JMJD1C: variants seen among roughly 807,000 people sequenced by gnomAD.
JMJD1C encodes the protein jumonji domain-containing protein 1C.
In JMJD1C, 31 loss-of-function variants were observed where a neutral mutation model predicts 245.3. The observed-to-expected ratio is 0.13, with a 90% confidence interval of 0.09 to 0.17. JMJD1C has a LOEUF of 0.17. Ranked by LOEUF, JMJD1C falls within the 10% of genes least tolerant of loss-of-function variation. The probability of loss-of-function intolerance (pLI) is 1.00; values close to 1 mark genes in which losing one functional copy is unlikely to be tolerated. For synonymous variants in JMJD1C, 1,057 were observed against 1,017.4 expected (o/e 1.04, Z -0.74); for missense variants, 2,691 against 3,000.2 (o/e 0.90, Z 2.41).
chr10:63,204,655 CTG>C, intron 10 of JMJD1C: 1 of 985,410 alleles, frequency 1.0e-6, no homozygotes, highest in Non-Finnish European at 1.2e-6. Flanking sequence ...AAAAGCAACA[CTG>C]TATATAATCC....
In JMJD1C at chr10:63,465,754, G is replaced by T; in HGVS notation, c.-92C>A. 1 of 1,452,182 alleles carries T rather than the reference G, an allele frequency of 6.9e-7. No homozygotes were observed. The highest frequency in any genetic ancestry group is 9.5e-7 in the Non-Finnish European group (1 of 1,055,942). 90.0% of individuals were successfully genotyped at this position (1,452,182 alleles called of 1,614,324 possible). ...CCGGCCGCTCATGCTGAGGAGAGCG[G>T]ACCGGGACACAGCAGCGGACCCGAA... On this transcript the variant is annotated 5_prime_UTR_variant, in exon 1 of 26. Transcript: ENST00000399262.
intron 1 of JMJD1C, among the ~76,000 whole-genome samples, chr10:63,410,533 G>C (rs1949419365): frequency 6.6e-6 from 1 of 152,084 alleles, no homozygotes; most frequent in Non-Finnish European, 1.5e-5. Flanking sequence ...CCTTCCATAA[G>C]AATCCAGAGA....
intron 2 of JMJD1C, among the ~76,000 whole-genome samples, chr10:63,300,917 G>A (rs999392576): frequency 6.6e-6 from 1 of 151,368 alleles, no homozygotes; most frequent in African/African-American, 2.4e-5. Flanking sequence ...AATTCATTAA[G>A]AGACAACCAT....
intron 3 of JMJD1C, among the ~76,000 whole-genome samples, chr10:63,230,521 G>T (rs1023386130): frequency 2.6e-5 from 4 of 152,194 alleles, no homozygotes; most frequent in African/African-American, 9.6e-5. Context: ...AGAGCTAAAT[G>T]TTTTGTCCAT....
At chr10:63,275,055 G>T (rs1354672520) in intron 2 of JMJD1C, among the ~76,000 whole-genome samples, 6 of 152,038 alleles carry the variant, frequency 3.9e-5, no homozygotes, top group Admixed American at 1.3e-4. Context: ...TTTTAAAAAA[G>T]AAATACAAAA....
chr10:63,273,169 T>C (rs1196738762), intron 2 of JMJD1C, among the ~76,000 whole-genome samples: 2 of 152,210 alleles, frequency 1.3e-5, no homozygotes, highest in Non-Finnish European at 2.9e-5. Flanking sequence ...TAATAATGAA[T>C]GCCTTTTAAA....
intron 2 of JMJD1C, among the ~76,000 whole-genome samples, chr10:63,288,493 T>G (rs757833614): frequency 3.9e-4 from 59 of 152,374 alleles, no homozygotes; most frequent in Non-Finnish European, 6.5e-4. Context: ...TGTTTTCAAC[T>G]CATTTGGGTA....
chr10:63,396,927 T>C, intron 1 of JMJD1C, among the ~76,000 whole-genome samples: 1 of 149,886 alleles, frequency 6.7e-6, no homozygotes, highest in Non-Finnish European at 1.5e-5. Flanking sequence ...AACTGGTTTT[T>C]GGTTTTTTTT....
intron 1 of JMJD1C, among the ~76,000 whole-genome samples, chr10:63,386,026 T>C (rs191855020): frequency 3.9e-5 from 6 of 152,180 alleles, no homozygotes; most frequent in African/African-American, 1.2e-4. Flanking sequence ...GATTCACTAT[T>C]GTAAAGAATA....
intron 1 of JMJD1C, among the ~76,000 whole-genome samples, chr10:63,384,136 C>T (rs901813705): frequency 2.0e-5 from 3 of 152,156 alleles, no homozygotes; most frequent in African/African-American, 7.2e-5. Flanking sequence ...TCAAGTTCAA[C>T]CATGAGATTA....
intron 1 of JMJD1C, among the ~76,000 whole-genome samples, chr10:63,394,748 G>A (rs1269095404): frequency 2.6e-5 from 4 of 152,026 alleles, no homozygotes; most frequent in Non-Finnish European, 4.4e-5. Context: ...GGAGGCTGAG[G>A]CAGGAGAATC....
chr10:63,220,727 G>A (rs1848503687), intron 3 of JMJD1C, among the ~76,000 whole-genome samples: 1 of 152,148 alleles, frequency 6.6e-6, no homozygotes, highest in South Asian at 2.1e-4. Context: ...TACCTCTGCT[G>A]CTCCTGCATT....
intron 1 of JMJD1C, among the ~76,000 whole-genome samples, chr10:63,483,626 C>T (rs1327184297): frequency 6.6e-6 from 1 of 152,196 alleles, no homozygotes; most frequent in Non-Finnish European, 1.5e-5. Flanking sequence ...ATCCCTCCCC[C>T]TTTTGCCATT....
At position 63,167,595 on chromosome 10, in the gene JMJD1C, A is replaced by G. The variant is rs1040520524; in HGVS notation, c.*450T>C. On this transcript the variant is annotated 3_prime_UTR_variant, in exon 26 of 26. Coordinates refer to ENST00000399262, the MANE Select transcript of JMJD1C (RefSeq NM_032776.3). ...CTGATTATGACATGACTGCTGTGCG[A>G]TTCAGCAATTTCCCAGATGCAGGCA... 1 of 153,580 alleles carries G rather than the reference A, an allele frequency of 6.5e-6. No individual in the cohort carries two copies. Among genetic ancestry groups the G allele is most frequent in the Non-Finnish European group, 1.5e-5 (1 of 68,700 alleles). The allele number at this position is 153,580 out of a possible 1,614,324, so 9.5% of individuals were successfully genotyped here.
At chr10:63,272,896 A>G (rs1856463815) in intron 2 of JMJD1C, among the ~76,000 whole-genome samples, 1 of 152,204 alleles carries the variant, frequency 6.6e-6, no homozygotes, top group Non-Finnish European at 1.5e-5. Context: ...CAAGTACTTC[A>G]GTCCCTTACA....
intron 2 of JMJD1C, among the ~76,000 whole-genome samples, chr10:63,323,281 T>C (rs1941120132): frequency 6.6e-6 from 1 of 152,142 alleles, no homozygotes; most frequent in South Asian, 2.1e-4. Flanking sequence ...CTAACACTTC[T>C]GGGAGGCCAA....
At chr10:63,183,847 T>C (rs1843769858) in intron 21 of JMJD1C, among the ~76,000 whole-genome samples, 2 of 152,234 alleles carry the variant, frequency 1.3e-5, no homozygotes, top group African/African-American at 2.4e-5. Context: ...ATTCCTAACA[T>C]GTTGCTTCAT....
chr10:63,226,951 C>T (rs1849363771), intron 3 of JMJD1C, among the ~76,000 whole-genome samples: 1 of 151,830 alleles, frequency 6.6e-6, no homozygotes, highest in African/African-American at 2.4e-5. Flanking sequence ...ATCTATAATC[C>T]CAGCTACTCG....
rs1196973332 is a variant in JMJD1C, at chr10:63,209,185, A to C, written c.2745T>G (p.Asp915Glu). The C allele has an allele frequency of 1.9e-6, 3 of 1,613,762 alleles. No homozygotes were observed. Among genetic ancestry groups the C allele is most frequent in the Non-Finnish European group, 2.5e-6 (3 of 1,179,846 alleles). The change falls in exon 9 of 26, where the codon GAT (aspartate) becomes GAG (glutamate). Residue 915 changes from aspartate to glutamate, a missense_variant. Asp to Glu is a conservative substitution (Grantham distance 45). Transcript: ENST00000399262. ...LHQPTPVTSA[D>E]GIGLLSHIPV... ...GAATGTGACTAAGTAATCCAATACC[A>C]TCTGCTGAGGTCACAGGGGTGGGCT... is the stretch of plus-strand genomic sequence containing the variant.
Sources: gnomAD v4.1 joint callset for allele counts (sites outside exome capture counted in the v4.1 genomes callset) on GRCh38, gnomAD v4.1.1 for gene constraint, MANE v1.5 for transcripts, NCBI Gene and HGNC (gene_info 2026-07-23, HGNC 2026-07-21) for gene names.